Variants in PAX3 observed in about 807,000 individuals in gnomAD.
PAX3 encodes paired box protein Pax-3.
In PAX3, 14 loss-of-function variants were observed where a neutral mutation model predicts 51.6. The ratio of observed to expected loss-of-function variants is 0.27; its 90% CI spans 0.18 to 0.42. PAX3 has a LOEUF of 0.42. Among genes scored for constraint, PAX3 ranks in the 10% least tolerant of loss-of-function variants. The probability of loss-of-function intolerance (pLI) is 1.00; values close to 1 mark genes in which losing one functional copy is unlikely to be tolerated. For missense variants in PAX3, 540 were observed against 642.8 expected, an observed-to-expected ratio of 0.84 and a Z score of 1.73; for synonymous variants, 280 against 253.4, an observed-to-expected ratio of 1.11 and a Z score of -1.00.
chr2:222,200,399 C>G lies in PAX3; in HGVS notation c.*1009G>C, dbSNP rs947836941. 5.7e-5 allele frequency: 13 copies of G among 228,582 alleles called. No homozygotes were observed. The Admixed American group carries it at 7.4e-4, about 13-fold the overall frequency. 14.2% of individuals were successfully genotyped at this position (228,582 alleles called of 1,614,324 possible). Reference sequence around the variant, plus strand: ...TAAAAGCATAATTATCTGATCTGGTCTCTAATCAAAGGAGCAACCCGGGTG... The same window carrying G: ...TAAAAGCATAATTATCTGATCTGGTGTCTAATCAAAGGAGCAACCCGGGTG... On this transcript the variant is annotated 3_prime_UTR_variant, in exon 9 of 9. Transcript: ENST00000392070.
At chr2:222,267,045 T>C (rs939913694) in intron 4 of PAX3, among the ~76,000 whole-genome samples, 2 of 152,208 alleles carry the variant, frequency 1.3e-5, no homozygotes, top group Non-Finnish European at 2.9e-5. Context: ...GATAAATTTA[T>C]TCACAGCCAC....
intron 4 of PAX3, among the ~76,000 whole-genome samples, chr2:222,233,591 G>A (rs1442541550): frequency 6.6e-6 from 1 of 152,100 alleles, no homozygotes; most frequent in African/African-American, 2.4e-5. Context: ...AGAGGGTTCT[G>A]CAGTGTGAGG....
chr2:222,293,853 A>G, intron 4 of PAX3: 1 of 1,612,608 alleles, frequency 6.2e-7, no homozygotes, highest in Non-Finnish European at 8.5e-7. Flanking sequence ...CATACATTTA[A>G]TGGCAACAGA....
chr2:222,248,861 C>G (rs1693320410), intron 4 of PAX3, among the ~76,000 whole-genome samples: 1 of 151,946 alleles, frequency 6.6e-6, no homozygotes, highest in South Asian at 2.1e-4. Flanking sequence ...CACAATGCTA[C>G]AAAAAATCTG....
At chr2:222,251,051 A>AG (rs1693411037) in intron 4 of PAX3, among the ~76,000 whole-genome samples, 2 of 152,218 alleles carry the variant, frequency 1.3e-5, no homozygotes, top group African/African-American at 4.8e-5. Flanking sequence ...AACCACCCTC[A>AG]GGTGAAGGGG....
intron 4 of PAX3, among the ~76,000 whole-genome samples, chr2:222,260,565 GTTTTTTTT>G (rs869129158): frequency 1.3e-4 from 7 of 55,850 alleles, no homozygotes; most frequent in African/African-American, 1.8e-4. Context: ...TTTTTTTTTT[GTTTTTTTT>G]TTTTGTTTTT....
Position 222,283,030 on chromosome 2 carries a change from AGCTAAATT to A in PAX3, c.586+11129_586+11136del, listed in dbSNP as rs538415914. On this transcript the variant is annotated intron_variant, in intron 4 of 8. Transcript: ENST00000392070. ...CCCCACCATTTGGTCTCAATGCAGAAGCTAAATTCCACCAAAGCTACCAGAATTACAAA... is the reference window on the plus strand; with the variant it reads ...CCCCACCATTTGGTCTCAATGCAGAACCACCAAAGCTACCAGAATTACAAA... Among the ~76,000 whole-genome samples, 151 of 152,334 alleles carry A rather than the reference AGCTAAATT, an allele frequency of 9.9e-4. 1 individual carries two copies. Among genetic ancestry groups the A allele is most frequent in the Middle Eastern group, 3.4e-3 (1 of 294 alleles).
chr2:222,276,166 C>T (rs1694413999), intron 4 of PAX3, among the ~76,000 whole-genome samples: 1 of 152,236 alleles, frequency 6.6e-6, no homozygotes, highest in South Asian at 2.1e-4. Context: ...TCTAACTTCC[C>T]GGCAGAATCA....
At chr2:222,294,125 A>C (rs752678255) in intron 4 of PAX3, 42 bp downstream of exon 4, 1 of 1,613,338 alleles carries the variant, frequency 6.2e-7, no homozygotes, top group Non-Finnish European at 8.5e-7. Flanking sequence ...GATGCCCTCC[A>C]AGTCACCCAG....
Position 222,201,688 on chromosome 2 carries a change from A to G in PAX3, c.1421-246T>C. Reference sequence around the variant, plus strand: ...GTCAGGGATTATTTCATTTTGGCCAACCCTTGTGTTTTACCTAGTGGCAAT... The same window carrying G: ...GTCAGGGATTATTTCATTTTGGCCAGCCCTTGTGTTTTACCTAGTGGCAAT... On this transcript the variant is annotated intron_variant, in intron 8 of 8. Coordinates refer to ENST00000392070, the MANE Select transcript of PAX3 (RefSeq NM_181458.4). 2.8e-6 allele frequency: 4 copies of G among 1,441,796 alleles called. No homozygotes were observed. In the South Asian group the frequency reaches 5.9e-5, roughly 21 times the overall value. 89.3% of individuals were successfully genotyped at this position (1,441,796 alleles called of 1,614,324 possible). A position where few individuals can be genotyped will look rare whatever the true frequency, so the allele number is the denominator to read the frequency against.
At chr2:222,247,388 T>G (rs556244129) in intron 4 of PAX3, among the ~76,000 whole-genome samples, 1 of 152,206 alleles carries the variant, frequency 6.6e-6, no homozygotes, top group African/African-American at 2.4e-5. Context: ...TTTTTAAAAT[T>G]TTTTCCCACT....
intron 4 of PAX3, among the ~76,000 whole-genome samples, chr2:222,282,598 T>A (rs1017814510): frequency 1.3e-5 from 2 of 152,208 alleles, no homozygotes; most frequent in South Asian, 4.1e-4. Context: ...GAGACAATTT[T>A]TCTTTTGTAA....
intron 4 of PAX3, among the ~76,000 whole-genome samples, chr2:222,259,200 C>T (rs1293307252): frequency 6.6e-6 from 1 of 152,164 alleles, no homozygotes; most frequent in East Asian, 1.9e-4. Flanking sequence ...GAAATGAACA[C>T]CTACCACAAA....
intron 4 of PAX3, among the ~76,000 whole-genome samples, chr2:222,242,157 G>A (rs1174487976): frequency 6.6e-6 from 1 of 152,080 alleles, no homozygotes; most frequent in Non-Finnish European, 1.5e-5. Flanking sequence ...TTTCGCTTAT[G>A]TTTTTGTTAC....
At chr2:222,265,814 C>T (rs1284769432) in intron 4 of PAX3, among the ~76,000 whole-genome samples, 2 of 152,196 alleles carry the variant, frequency 1.3e-5, no homozygotes, top group African/African-American at 4.8e-5. Context: ...TTAGTTTATG[C>T]ATATACACAC....
chr2:222,291,722 C>A (rs1337030656), intron 4 of PAX3, among the ~76,000 whole-genome samples: 1 of 152,162 alleles, frequency 6.6e-6, no homozygotes, highest in Non-Finnish European at 1.5e-5. Flanking sequence ...TCCCCCTCTG[C>A]CAGGGCGCTA....
At chr2:222,238,053 C>T (rs559812298) in intron 4 of PAX3, among the ~76,000 whole-genome samples, 49 of 152,268 alleles carry the variant, frequency 3.2e-4, no homozygotes, top group Middle Eastern at 3.4e-3. Flanking sequence ...TTATCCTAAT[C>T]ATCTCACATT....
At chr2:222,282,244 G>T (rs1031591005) in intron 4 of PAX3, among the ~76,000 whole-genome samples, 1 of 152,060 alleles carries the variant, frequency 6.6e-6, no homozygotes, top group Admixed American at 6.5e-5. Flanking sequence ...CGTATACTTG[G>T]AGCAGAGTCC....
rs765665191 is a variant in PAX3, at chr2:222,297,200, G to A, written c.99C>T (p.Leu33=). Residue 33 remains leucine, a synonymous_variant, in exon 2 of 9, where the codon CTC becomes CTT. Coordinates refer to ENST00000392070, the MANE Select transcript of PAX3 (RefSeq NM_181458.4). The part of the protein sequence containing the change: ...SGFPLEVSTP[L]GQGRVNQLGG... The stretch of plus-strand genomic sequence containing the variant: ...CGAGCTGGTTGACGCGGCCCTGGCC[G>A]AGGGGAGTGGACACTGTGGGAAGGT... 3.2e-6 allele frequency: 5 copies of A among 1,580,416 alleles called. No homozygotes were observed. The South Asian group carries it at 4.6e-5, about 15-fold the overall frequency.
Sources: allele counts gnomAD v4.1 joint callset (sites outside exome capture counted in the v4.1 genomes callset), GRCh38; gene constraint gnomAD v4.1.1; transcripts MANE v1.5; gene names NCBI Gene and HGNC (gene_info 2026-07-23, HGNC 2026-07-21).